FHDC1: variants seen among roughly 807,000 people sequenced by gnomAD.
The protein encoded by FHDC1 is FH2 domain containing 1, also known as FH2 domain-containing protein 1.
In FHDC1, 25 loss-of-function variants were observed where a neutral mutation model predicts 52.6. That is an observed-to-expected ratio of 0.48 (90% confidence interval 0.35 to 0.66). The LOEUF (loss-of-function observed/expected upper bound fraction) is 0.66, where lower values mean the gene tolerates loss of function less well. FHDC1 is among the 30% of genes least tolerant of loss of function. FHDC1 has a pLI of 0.01. For missense variants in FHDC1, 1,459 were observed against 1,452.8 expected, an observed-to-expected ratio of 1.00 and a Z score of -0.07; for synonymous variants, 616 against 581.5, an observed-to-expected ratio of 1.06 and a Z score of -0.85.
the FHDC1 span, among the ~76,000 whole-genome samples, chr4:152,919,291 A>T: frequency 1.3e-5 from 2 of 152,252 alleles, no homozygotes; most frequent in Non-Finnish European, 2.9e-5. Context: ...AATGGGGAGA[A>T]AGTCCATACA....
At chr4:152,973,993 C>G (rs561919993) in intron 11 of FHDC1, among the ~76,000 whole-genome samples, 88 of 152,332 alleles carry the variant, frequency 5.8e-4, no homozygotes, top group African/African-American at 2.1e-3. Context: ...GAGGCAGAGC[C>G]ATGTGCTGCA....
intron 2 of FHDC1, among the ~76,000 whole-genome samples, chr4:152,944,774 T>G (rs927291839): frequency 6.6e-6 from 1 of 152,264 alleles, no homozygotes; most frequent in African/African-American, 2.4e-5. Flanking sequence ...GAACCCTTAG[T>G]GCCGTCAGTG....
intron 9 of FHDC1, among the ~76,000 whole-genome samples, chr4:152,966,457 T>C (rs1740459035): frequency 6.6e-6 from 1 of 152,194 alleles, no homozygotes; most frequent in African/African-American, 2.4e-5. Flanking sequence ...ATTCACATTC[T>C]GCCTATCTTT....
upstream of FHDC1, among the ~76,000 whole-genome samples, chr4:152,933,283 C>T (rs1459069316): frequency 2.0e-5 from 3 of 151,944 alleles, no homozygotes; most frequent in African/African-American, 7.2e-5. Context: ...TTGGGGGATA[C>T]AGATGGACAA....
At chr4:152,958,674 T>C (rs1455786685) in intron 4 of FHDC1, among the ~76,000 whole-genome samples, 2 of 152,218 alleles carry the variant, frequency 1.3e-5, no homozygotes, top group Non-Finnish European at 2.9e-5. Context: ...TATATGGTCT[T>C]ATACAACTTC....
chr4:152,963,166 T>G (rs762545186), intron 8 of FHDC1, 36 bp downstream of exon 8: 74 of 1,566,376 alleles, frequency 4.7e-5, no homozygotes, highest in Non-Finnish European at 6.2e-5. Flanking sequence ...AGAACGCATA[T>G]GAATACCCCT....
At position 152,977,031 on chromosome 4, in the gene FHDC1, CATTCTT is replaced by C. The variant is rs1740919263; in HGVS notation, c.*311_*316del. ...AAGATTTAGTAGGAGTGTAAAGTGA[CATTCTT>C]ATGAAACAAGTCAAAAAAGTTTTTT... On this transcript the variant is annotated 3_prime_UTR_variant, in exon 12 of 12. Coordinates refer to ENST00000511601, the MANE Select transcript of FHDC1 (RefSeq NM_001371116.1). 4.1e-6 allele frequency: 1 copy of C among 241,460 alleles called. No homozygotes were observed. The highest frequency in any genetic ancestry group is 2.4e-5 in the African/African-American group (1 of 42,236). 15.0% of individuals were successfully genotyped at this position (241,460 alleles called of 1,614,324 possible).
At chr4:152,953,158 A>G (rs1739978641) in intron 2 of FHDC1, among the ~76,000 whole-genome samples, 1 of 152,096 alleles carries the variant, frequency 6.6e-6, no homozygotes, top group African/African-American at 2.4e-5. Flanking sequence ...AAGAAAATGC[A>G]TTTCATATCC....
At chr4:152,942,897 A>T in intron 1 of FHDC1, 31 bp from the exon 2 acceptor site, 1 of 720,378 alleles carries the variant, frequency 1.4e-6, no homozygotes, top group South Asian at 2.0e-5. Context: ...GTTTGTCTGT[A>T]ACTGATTTGA....
At chr4:152,921,629 C>T in the FHDC1 span, among the ~76,000 whole-genome samples, 1 of 137,680 alleles carries the variant, frequency 7.3e-6, no homozygotes, top group African/African-American at 2.7e-5. Context: ...TTTTTCCCTT[C>T]CTTCCTTTTT....
Position 152,976,524 on chromosome 4 carries a change from C to T in FHDC1, c.3233C>T (p.Ala1078Val). The T allele has an allele frequency of 6.2e-7, 1 of 1,613,134 alleles. No individual in the cohort carries two copies. Residue 1078 changes from alanine to valine, a missense_variant, in exon 12 of 12, where the codon GCC (alanine) becomes GTC (valine). Around this residue, in one of 3 missense-constraint regions of FHDC1, gnomAD observed 939 missense variants for 854.5 expected, o/e 1.10. Coordinates refer to ENST00000511601, the MANE Select transcript of FHDC1 (RefSeq NM_001371116.1). ...QLRVKGDPED[A>V]APKDSSTLRR... The stretch of plus-strand genomic sequence containing the variant: ...AGGGTGAAAGGGGACCCCGAGGATG[C>T]CGCTCCCAAGGACAGCAGCACTTTG...
At chr4:152,941,824 TA>T (rs1739579401) in intron 1 of FHDC1, among the ~76,000 whole-genome samples, 2 of 152,198 alleles carry the variant, frequency 1.3e-5, no homozygotes, top group African/African-American at 4.8e-5. Context: ...AAGTGCCGTG[TA>T]AAAAGCCATT....
Position 152,976,715 on chromosome 4 carries a change from CG to C in FHDC1, c.3426del (p.Lys1143SerfsTer18), listed in dbSNP as rs772830898. On this transcript the variant is annotated frameshift_variant, in exon 12 of 12. Coordinates refer to ENST00000511601, the MANE Select transcript of FHDC1 (RefSeq NM_001371116.1). LOFTEE classifies it high-confidence loss of function. ...TTLGRILNPL[R>X]K ...GCTGGGGAGAATCCTCAATCCCTTA[CG>C]GAAGTGATGGGTGCCTGTCCTCTCC... 1.4e-6 allele frequency: 2 copies of C among 1,479,184 alleles called. No individual in the cohort carries two copies. The highest frequency in any genetic ancestry group is 2.6e-5 in the Admixed American group (1 of 38,886). 91.6% of individuals were successfully genotyped at this position (1,479,184 alleles called of 1,614,324 possible).
chr4:152,915,631 G>A, the FHDC1 span, among the ~76,000 whole-genome samples: 3 of 152,080 alleles, frequency 2.0e-5, no homozygotes, highest in Non-Finnish European at 2.9e-5. Context: ...TTAAATAGCC[G>A]TTCTTCTGTA....
chr4:152,932,339 T>C (rs1321210675), upstream of FHDC1, among the ~76,000 whole-genome samples: 1 of 151,754 alleles, frequency 6.6e-6, no homozygotes, highest in Non-Finnish European at 1.5e-5. Flanking sequence ...TTTGGGAGAC[T>C]GAGGTAGGAG....
At chr4:152,925,050 A>G in the FHDC1 span, among the ~76,000 whole-genome samples, 3 of 152,094 alleles carry the variant, frequency 2.0e-5, no homozygotes, top group East Asian at 1.9e-4. Flanking sequence ...TTAAATTTAA[A>G]CAATAATGTA....
At chr4:152,926,231 AAAAAC>A in the FHDC1 span, among the ~76,000 whole-genome samples, 2 of 150,994 alleles carry the variant, frequency 1.3e-5, no homozygotes, top group African/African-American at 4.9e-5. Flanking sequence ...TAGGAGGGAA[AAAAAC>A]AAAACAAAAC....
intron 8 of FHDC1, 99 bp downstream of exon 8, chr4:152,963,229 A>C: frequency 3.8e-6 from 4 of 1,040,686 alleles, no homozygotes; most frequent in Non-Finnish European, 5.8e-6. Context: ...CAGGGTTAGG[A>C]AAGGGCATGG....
At position 152,976,369 on chromosome 4, in the gene FHDC1, C is replaced by G. The variant is rs749253804; in HGVS notation, c.3078C>G (p.Pro1026=). The change falls in exon 12 of 12, where the codon CCC becomes CCG. Residue 1026 remains proline (P), a synonymous_variant. Coordinates refer to ENST00000511601, the MANE Select transcript of FHDC1 (RefSeq NM_001371116.1). ...EPKTPSVPSV[P]HELPRVPSFA... ...AGACCCCGTCAGTGCCCAGCGTCCC[C>G]CACGAACTACCCCGTGTCCCGAGCT... The G allele has an allele frequency of 3.7e-6, 6 of 1,613,824 alleles. No individual in the cohort carries two copies. The highest frequency in any genetic ancestry group is 5.1e-6 in the Non-Finnish European group (6 of 1,180,024).
Sources: allele counts gnomAD v4.1 joint callset (sites outside exome capture counted in the v4.1 genomes callset), GRCh38; gene constraint gnomAD v4.1.1; regional missense constraint gnomAD v4.1.1; transcripts MANE v1.5; gene names NCBI Gene and HGNC (gene_info 2026-07-23, HGNC 2026-07-21).